The following MGRN1 variants were observed in gnomAD, a reference collection of about 807,000 sequenced individuals.
The protein encoded by MGRN1 is E3 ubiquitin-protein ligase MGRN1.
In MGRN1, 29 loss-of-function variants were observed where a neutral mutation model predicts 69.2. The ratio of observed to expected loss-of-function variants is 0.42; its 90% CI spans 0.31 to 0.57. The LOEUF (loss-of-function observed/expected upper bound fraction) is 0.57. Among genes scored for constraint, MGRN1 ranks in the 20% least tolerant of loss-of-function variants. The pLI, the probability that MGRN1 is intolerant of heterozygous loss-of-function variation, is 0.15. For synonymous variants in MGRN1, 470 were observed against 344.2 expected (o/e 1.37, Z -4.04); for missense variants, 998 against 796.2 (o/e 1.25, Z -3.05).
At chr16:4,652,625 C>A in intron 3 of MGRN1, 53 bp from the exon 4 acceptor site, 1 of 1,556,680 alleles carries the variant, frequency 6.4e-7, no homozygotes, top group East Asian at 2.3e-5. Context: ...AGGAGGCAGC[C>A]TCCGCAGATG....
At position 4,642,078 on chromosome 16, in the gene MGRN1, C is replaced by T. The variant is rs146821832; in HGVS notation, c.89-8287C>T. On this transcript the variant is annotated intron_variant, in intron 1 of 16. Coordinates refer to ENST00000262370, the MANE Select transcript of MGRN1 (RefSeq NM_015246.4). Reference sequence around the variant, plus strand: ...TGTTCTTGAGTGCTGAGGGTCCATCCGGTAACCCTGCACTGTCATGCATTT... The same window carrying T: ...TGTTCTTGAGTGCTGAGGGTCCATCTGGTAACCCTGCACTGTCATGCATTT... Among the ~76,000 whole-genome samples the T allele has an allele frequency of 6.5e-3, 985 of 150,898 alleles. 9 individuals are homozygous for T. Among genetic ancestry groups the T allele is most frequent in the African/African-American group, 0.023 (923 of 40,986 alleles).
At chr16:4,680,979 C>T (rs114193537) in intron 12 of MGRN1, among the ~76,000 whole-genome samples, 239 of 152,354 alleles carry the variant, frequency 1.6e-3, no homozygotes, top group African/African-American at 5.6e-3. Flanking sequence ...CTTCCGTTCC[C>T]CAGAACCTGG....
intron 6 of MGRN1, 144 bp from the exon 7 acceptor site, chr16:4,664,958 G>T: frequency 8.6e-7 from 1 of 1,156,504 alleles, no homozygotes; most frequent in Non-Finnish European, 1.3e-6. Flanking sequence ...GTGCAGGAGG[G>T]CAGGTCCCAG....
In MGRN1 at chr16:4,666,159, G is replaced by A. The variant is rs528192860; in HGVS notation, c.678+1008G>A. ...TTTTCTTTTTTTTAAACAGGGTCTC[G>A]CTCTGTTGCCCAGGCTAGAGGGCTG... On this transcript the variant is annotated intron_variant, in intron 7 of 16. Coordinates refer to ENST00000262370, the MANE Select transcript of MGRN1 (RefSeq NM_015246.4). Among the ~76,000 whole-genome samples the A allele has an allele frequency of 5.9e-5, 9 of 152,030 alleles. No individual in the cohort carries two copies. The East Asian group carries it at 7.7e-4, about 13-fold the overall frequency.
intron 9 of MGRN1, 118 bp from the exon 10 acceptor site, chr16:4,673,380 C>T (rs548387535): frequency 2.9e-6 from 4 of 1,377,434 alleles, no homozygotes; most frequent in Middle Eastern, 2.5e-4. Context: ...CTGGACTTCT[C>T]TTTGTCATGA....
At chr16:4,686,158 G>T (rs1004801730) in intron 16 of MGRN1, 13 of 1,366,058 alleles carry the variant, frequency 9.5e-6, no homozygotes, top group Non-Finnish European at 1.2e-5. Context: ...TTTCTAGACG[G>T]CCTCGACCGT....
chr16:4,635,141 G>A (rs1898213662), intron 1 of MGRN1: 1 of 152,318 alleles, frequency 6.6e-6, no homozygotes, highest in South Asian at 2.1e-4. Flanking sequence ...GCTGGCTGCA[G>A]GGGCTCACGC....
intron 5 of MGRN1, among the ~76,000 whole-genome samples, chr16:4,660,676 C>T (rs2078656596): frequency 1.3e-5 from 2 of 152,222 alleles, no homozygotes; most frequent in South Asian, 4.1e-4. Flanking sequence ...GGAGTGGCTG[C>T]CGGTGCGCGA....
In MGRN1 at chr16:4,681,525, C is replaced by A. The variant is rs1188551971; in HGVS notation, c.1132-25C>A. On this transcript the variant is annotated intron_variant, in intron 12 of 16. Transcript: ENST00000262370. ...GAGCAGGTGGTCCCTGGGCATGAGC[C>A]CCCTCACGCACCCTGTCCCTACAGA... 5 of 1,588,996 alleles carry A rather than the reference C, an allele frequency of 3.1e-6. No homozygotes were observed. The South Asian group carries it at 4.5e-5, about 14-fold the overall frequency.
intron 5 of MGRN1, among the ~76,000 whole-genome samples, chr16:4,658,509 C>T (rs2078604398): frequency 6.6e-6 from 1 of 150,868 alleles, no homozygotes; most frequent in African/African-American, 2.4e-5. Flanking sequence ...GCACTCCAGC[C>T]TGGGCGACAG....
chr16:4,689,228 C>A lies in MGRN1; in HGVS notation c.*320C>A, dbSNP rs1215423327. 1.7e-5 allele frequency: 5 copies of A among 294,498 alleles called. No homozygotes were observed. The highest frequency in any genetic ancestry group is 3.2e-5 in the Non-Finnish European group (5 of 157,994). 18.2% of individuals were successfully genotyped at this position (294,498 alleles called of 1,614,324 possible). On this transcript the variant is annotated 3_prime_UTR_variant, in exon 17 of 17. Transcript: ENST00000262370. ...TGCCCACGTGTGGCCTCCGCTGGCTCTGCCTGCTCCTGCAACAGTGCGGTC... is the reference window on the plus strand; with the variant it reads ...TGCCCACGTGTGGCCTCCGCTGGCTATGCCTGCTCCTGCAACAGTGCGGTC...
chr16:4,651,501 C>T (rs947170154), intron 2 of MGRN1, among the ~76,000 whole-genome samples: 5 of 152,092 alleles, frequency 3.3e-5, no homozygotes, highest in Admixed American at 1.3e-4. Context: ...GGCCTGGGAA[C>T]AGAGGAAGAG....
At chr16:4,625,291 C>T (rs186081998) in intron 1 of MGRN1, among the ~76,000 whole-genome samples, 218 of 152,336 alleles carry the variant, frequency 1.4e-3, no homozygotes, top group African/African-American at 4.7e-3. Flanking sequence ...GGGGCAGTCC[C>T]TTCGCCCCGG....
At chr16:4,678,228 C>G (rs1316921529) in intron 11 of MGRN1, among the ~76,000 whole-genome samples, 1 of 152,228 alleles carries the variant, frequency 6.6e-6, no homozygotes, top group Non-Finnish European at 1.5e-5. Flanking sequence ...TCCCACGCTC[C>G]AGGCCCACCA....
At chr16:4,687,786 T>A in intron 16 of MGRN1, 1 of 985,412 alleles carries the variant, frequency 1.0e-6, no homozygotes, top group African/African-American at 1.7e-5. Flanking sequence ...AGAGGCCCTT[T>A]CCCCTTGGGT....
chr16:4,667,858 G>C (rs1374534981), intron 7 of MGRN1, among the ~76,000 whole-genome samples: 1 of 152,150 alleles, frequency 6.6e-6, no homozygotes, highest in South Asian at 2.1e-4. Context: ...AGCCGGGCCT[G>C]GGAGAGCAGG....
At chr16:4,660,737 C>T (rs534442051) in intron 5 of MGRN1, among the ~76,000 whole-genome samples, 1 of 152,178 alleles carries the variant, frequency 6.6e-6, no homozygotes, top group Admixed American at 6.5e-5. Context: ...AGTGTGGGAG[C>T]GTTGCCAGGC....
At chr16:4,686,034 G>GGT (rs2079307239) in intron 16 of MGRN1, among the ~76,000 whole-genome samples, 1 of 152,186 alleles carries the variant, frequency 6.6e-6, no homozygotes, top group African/African-American at 2.4e-5. Context: ...GGCAGCGGGA[G>GGT]GTATGGGAGG....
In MGRN1 at chr16:4,673,668, C is replaced by T. The variant is rs769481960; in HGVS notation, c.955+11C>T. 27 of 1,611,588 alleles carry T rather than the reference C, an allele frequency of 1.7e-5. No homozygotes were observed. The highest frequency in any genetic ancestry group is 2.7e-5 in the African/African-American group (2 of 74,914). On this transcript the variant is annotated intron_variant, in intron 10 of 16. Transcript: ENST00000262370. ...CCATCTGCCGGCTGCGTGAGTTCCC[C>T]GGCCGGCTGTTCTGTGGAAGGTTCT...
Sources: allele counts gnomAD v4.1 joint callset (sites outside exome capture counted in the v4.1 genomes callset), GRCh38; gene constraint gnomAD v4.1.1; transcripts MANE v1.5; gene names NCBI Gene and HGNC (gene_info 2026-07-23, HGNC 2026-07-21).